Variants in C11orf65 observed in about 807,000 individuals in gnomAD.
The protein encoded by C11orf65 is chromosome 11 open reading frame 65, also known as protein MFI.
Under a neutral mutation model 35.3 loss-of-function variants are expected in C11orf65, and 38 were observed. That is an observed-to-expected ratio of 1.08 (90% CI 0.83 to 1.41). The LOEUF is 1.41. C11orf65 is among the 40% of genes most tolerant of loss of function. C11orf65 has a pLI of 0.00. For missense variants in C11orf65, 370 were observed against 367.1 expected, an observed-to-expected ratio of 1.01 and a Z score of -0.06; for synonymous variants, 105 against 114.4, an observed-to-expected ratio of 0.92 and a Z score of 0.53.
chr11:108,374,812 G>A (rs982249570), intron 2 of C11orf65, among the ~76,000 whole-genome samples: 4 of 152,152 alleles, frequency 2.6e-5, no homozygotes, highest in African/African-American at 4.8e-5. Flanking sequence ...GGAGCTGAAA[G>A]CCAAGGCTCG....
At chr11:108,360,829 G>C (rs227042) in intron 2 of C11orf65, among the ~76,000 whole-genome samples, 3,866 of 72,350 alleles carry the variant, frequency 0.053, no homozygotes, top group Middle Eastern at 0.074. Flanking sequence ...GACAAACCCA[G>C]AGCCAATATC....
chr11:108,461,251 A>C (rs2093470353), intron 2 of C11orf65, among the ~76,000 whole-genome samples: 1 of 152,060 alleles, frequency 6.6e-6, no homozygotes, highest in African/African-American at 2.4e-5. Context: ...AAAATTCAAA[A>C]ATTAGCCAAG....
At chr11:108,361,489 A>G (rs567567684) in intron 2 of C11orf65, among the ~76,000 whole-genome samples, 1,736 of 152,134 alleles carry the variant, frequency 0.011, 25 homozygotes, top group African/African-American at 0.038. Flanking sequence ...CGCATCGGCA[A>G]GTCAATCCTA....
At chr11:108,440,400 C>T (rs1169450654) in intron 2 of C11orf65, among the ~76,000 whole-genome samples, 1 of 152,180 alleles carries the variant, frequency 6.6e-6, no homozygotes, top group Non-Finnish European at 1.5e-5. Context: ...GCGGGGATGA[C>T]TTGAACAGTA....
At chr11:108,450,562 G>A (rs2093332920) in intron 2 of C11orf65, among the ~76,000 whole-genome samples, 1 of 142,532 alleles carries the variant, frequency 7.0e-6, no homozygotes, top group African/African-American at 2.6e-5. Flanking sequence ...CTCATAGGTG[G>A]GAATTGAACA....
chr11:108,348,653 A>T (rs938214876), intron 2 of C11orf65, among the ~76,000 whole-genome samples: 5 of 152,024 alleles, frequency 3.3e-5, no homozygotes, highest in Admixed American at 1.3e-4. Context: ...TAATTTTTAG[A>T]GGTTATATGC....
chr11:108,376,409 C>T (rs1284287966), intron 2 of C11orf65, among the ~76,000 whole-genome samples: 2 of 152,118 alleles, frequency 1.3e-5, no homozygotes, highest in Admixed American at 6.5e-5. Context: ...AAGGCAGAAA[C>T]AAAGATGTTC....
chr11:108,359,401 A>G (rs1196327909), intron 2 of C11orf65, among the ~76,000 whole-genome samples: 1 of 152,180 alleles, frequency 6.6e-6, no homozygotes, highest in African/African-American at 2.4e-5. Flanking sequence ...ATAAAAAGTC[A>G]ACAAGGATAC....
rs730881326 is a variant in C11orf65 at position 108,345,910 on chromosome 11, T to C, written c.227-10618A>G. 2 of 1,613,518 alleles carry C rather than the reference T, an allele frequency of 1.2e-6. No homozygotes were observed. The highest frequency in any genetic ancestry group is 1.7e-6 in the Non-Finnish European group (2 of 1,179,676). ...GCAGTGTAGCTACTTCTTCTATTGG[T>C]AATCTTCTTGTACATATAGTAGATT... On this transcript the variant is annotated intron_variant, in intron 2 of 3. Transcript: ENST00000524755.
chr11:108,370,486 C>A (rs1300576045), intron 2 of C11orf65, among the ~76,000 whole-genome samples: 1 of 149,646 alleles, frequency 6.7e-6, no homozygotes, highest in Non-Finnish European at 1.5e-5. Flanking sequence ...TTCCTTGCCT[C>A]ATTTTACTGG....
At chr11:108,329,037 G>A (rs2085974792), downstream of C11orf65, 1 of 1,614,058 alleles carries the variant, frequency 6.2e-7, no homozygotes, top group African/African-American at 1.3e-5. Context: ...GAAGTTGCTG[G>A]AAATTATGAT....
chr11:108,403,409 G>GTTTT lies in C11orf65; in HGVS notation c.560+2016_560+2019dup, dbSNP rs71047691. ...ACTTTAAAATGTGATTGTTTGAGAGGTTTTTTTTTTGTTTTTTTTTTTTTT... is the reference window on the plus strand; with the variant it reads ...ACTTTAAAATGTGATTGTTTGAGAGGTTTTTTTTTTTTTTGTTTTTTTTTTTTTT... On this transcript the variant is annotated intron_variant, in intron 6 of 8. Coordinates refer to ENST00000393084, the MANE Select transcript of C11orf65 (RefSeq NM_152587.5). Among the ~76,000 whole-genome samples, 294 of 67,230 alleles carry GTTTT rather than the reference G, an allele frequency of 4.4e-3. 22 individuals carry two copies. The highest frequency in any genetic ancestry group is 0.013 in the African/African-American group (208 of 16,178). 44.1% of individuals were successfully genotyped at this position (67,230 alleles called of 152,430 possible). A position where few individuals can be genotyped will look rare whatever the true frequency, so the allele number is the denominator to read the frequency against.
chr11:108,406,229 T>C (rs149765194), intron 5 of C11orf65, among the ~76,000 whole-genome samples: 4 of 152,382 alleles, frequency 2.6e-5, no homozygotes, highest in Admixed American at 1.3e-4. Flanking sequence ...ATATGGTTGA[T>C]ATGCAATAGT....
At chr11:108,386,325 C>A (rs1002134358) in intron 7 of C11orf65, among the ~76,000 whole-genome samples, 2 of 152,216 alleles carry the variant, frequency 1.3e-5, no homozygotes, top group African/African-American at 2.4e-5. Flanking sequence ...AAATTTAAAG[C>A]ATGGGCAGAA....
chr11:108,311,679 C>T (rs1158290114), intron 6 of C11orf65, among the ~76,000 whole-genome samples: 3 of 150,268 alleles, frequency 2.0e-5, no homozygotes, highest in African/African-American at 7.4e-5. Context: ...GCCTAGGCGA[C>T]AGAGCGAGAC....
At chr11:108,328,956 GA>G (rs1351318452), downstream of C11orf65, 1 of 1,465,060 alleles carries the variant, frequency 6.8e-7, no homozygotes, top group African/African-American at 1.4e-5. Context: ...ACCTTAATTT[GA>G]GTGATTCTTT....
In C11orf65 at chr11:108,362,731, T is replaced by C. The variant is rs1052385602; in HGVS notation, c.227-27439A>G. ...ACCAAACACCGCATATTCTCACTCA[T>C]AGGTGGGAATTGAACAATGAGAACA... On this transcript the variant is annotated intron_variant, in intron 2 of 3. Coordinates refer to the C11orf65 transcript ENST00000524755. Among the ~76,000 whole-genome samples the C allele has an allele frequency of 4.0e-4, 56 of 140,802 alleles. 2 individuals are homozygous for C. In the South Asian group the frequency reaches 0.013, roughly 32 times the overall value. 92.4% of individuals were successfully genotyped at this position (140,802 alleles called of 152,430 possible). A position where few individuals can be genotyped will look rare whatever the true frequency, so the allele number is the denominator to read the frequency against.
downstream of C11orf65, chr11:108,328,906 G>A: frequency 8.8e-7 from 1 of 1,131,958 alleles, no homozygotes; most frequent in South Asian, 1.4e-5. Context: ...ATATAATTTA[G>A]CTAGCTTTTA....
At chr11:108,426,081 C>G (rs1355024697) in intron 3 of C11orf65, among the ~76,000 whole-genome samples, 1 of 152,148 alleles carries the variant, frequency 6.6e-6, no homozygotes, top group African/African-American at 2.4e-5. Flanking sequence ...CCTTTGAAAA[C>G]CGGTATAAGA....
Sources: allele counts gnomAD v4.1 joint callset (sites outside exome capture counted in the v4.1 genomes callset), GRCh38; gene constraint gnomAD v4.1.1; transcripts MANE v1.5; gene names NCBI Gene and HGNC (gene_info 2026-07-23, HGNC 2026-07-21).